Variants in HPSE observed in about 807,000 individuals in gnomAD.
HPSE encodes heparanase.
Under a neutral mutation model 65.1 loss-of-function variants are expected in HPSE, and 48 were observed. The ratio of observed to expected loss-of-function variants is 0.74; its 90% confidence interval spans 0.58 to 0.94. The LOEUF (loss-of-function observed/expected upper bound fraction) is 0.94. HPSE is among the 40% of genes least tolerant of loss of function. The probability of loss-of-function intolerance (pLI) is 0.00; values close to 1 mark genes in which losing one functional copy is unlikely to be tolerated. For synonymous variants in HPSE, 243 were observed against 260.0 expected (o/e 0.93, Z 0.63); for missense variants, 644 against 637.5 (o/e 1.01, Z -0.11).
chr4:83,316,491 T>G (rs1736647320), intron 3 of HPSE, among the ~76,000 whole-genome samples: 1 of 152,182 alleles, frequency 6.6e-6, no homozygotes, highest in African/African-American at 2.4e-5. Flanking sequence ...ATCCTTGGAA[T>G]GAAGATAACC....
chr4:83,314,124 G>A (rs2126190131), intron 3 of HPSE, among the ~76,000 whole-genome samples: 1 of 151,968 alleles, frequency 6.6e-6, no homozygotes, highest in East Asian at 1.9e-4. Context: ...ATGATGGTAA[G>A]CACCTGTAGT....
chr4:83,328,448 A>C (rs547765660), intron 1 of HPSE, among the ~76,000 whole-genome samples: 1 of 152,322 alleles, frequency 6.6e-6, no homozygotes, highest in East Asian at 1.9e-4. Flanking sequence ...ATCCTAACTA[A>C]TAACGTCTGC....
At chr4:83,318,032 ACAT>A (rs929462189) in intron 3 of HPSE, among the ~76,000 whole-genome samples, 3 of 152,222 alleles carry the variant, frequency 2.0e-5, no homozygotes, top group African/African-American at 7.2e-5. Context: ...CTTATGGAAC[ACAT>A]TTTTTTCTGT....
At chr4:83,312,841 C>CAAAAAAAAGAA (rs1736455921) in intron 4 of HPSE, among the ~76,000 whole-genome samples, 1 of 10,982 alleles carries the variant, frequency 9.1e-5, no homozygotes, top group Non-Finnish European at 1.4e-4. Flanking sequence ...ACTAAAAATG[C>CAAAAAAAAGAA]AAAAAAAAAA....
chr4:83,308,390 AG>A lies in HPSE; in HGVS notation c.1091+454del, dbSNP rs1286808881. ...CACTGCCCTCCAGTCTGGGTGACAG[AG>A]GGGAAAAAAAAAGACAGTCTCACTC... On this transcript the variant is annotated intron_variant, in intron 8 of 11. Coordinates refer to ENST00000311412, the MANE Select transcript of HPSE (RefSeq NM_001098540.3). Among the ~76,000 whole-genome samples, 8 of 152,078 alleles carry A rather than the reference AG, an allele frequency of 5.3e-5. No individual in the cohort carries two copies. In the East Asian group the frequency reaches 1.5e-3, roughly 29 times the overall value.
chr4:83,309,583 C>A, intron 6 of HPSE, 88 bp from the exon 7 acceptor site: 2 of 741,796 alleles, frequency 2.7e-6, no homozygotes, highest in Admixed American at 5.2e-5. Context: ...CTCCTTCTTA[C>A]CTCTCCCACT....
At chr4:83,306,002 G>T (rs1158932477) in intron 9 of HPSE, among the ~76,000 whole-genome samples, 1 of 152,114 alleles carries the variant, frequency 6.6e-6, no homozygotes, top group Non-Finnish European at 1.5e-5. Context: ...CCTTTAAAAA[G>T]TTATTCCTAG....
intron 4 of HPSE, 67 bp downstream of exon 4, chr4:83,313,047 A>T: frequency 3.9e-6 from 4 of 1,024,750 alleles, no homozygotes; most frequent in South Asian, 1.7e-5. Flanking sequence ...AAAAAGAAAA[A>T]GAAAAGAAAA....
At chr4:83,312,170 G>A (rs1251746565) in intron 4 of HPSE, among the ~76,000 whole-genome samples, 4 of 152,160 alleles carry the variant, frequency 2.6e-5, no homozygotes, top group African/African-American at 9.7e-5. Flanking sequence ...AAGCATAATA[G>A]GGTTAAGTGA....
intron 9 of HPSE, among the ~76,000 whole-genome samples, chr4:83,303,697 G>A (rs567823556): frequency 6.9e-4 from 105 of 152,270 alleles, no homozygotes; most frequent in African/African-American, 2.4e-3. Flanking sequence ...CCACAGGCAT[G>A]TGCCACCATG....
chr4:83,319,323 A>T (rs765685245), intron 3 of HPSE, 21 bp downstream of exon 3: 3 of 1,612,924 alleles, frequency 1.9e-6, no homozygotes. Flanking sequence ...GAACATCTCT[A>T]GGGTGCCTTT....
intron 8 of HPSE, among the ~76,000 whole-genome samples, chr4:83,307,986 C>T (rs1373664423): frequency 6.6e-6 from 1 of 152,146 alleles, no homozygotes; most frequent in African/African-American, 2.4e-5. Flanking sequence ...GATAGCCCCT[C>T]TGGTGGGACC....
chr4:83,322,742 T>G (rs916835746), intron 1 of HPSE, among the ~76,000 whole-genome samples: 1 of 151,806 alleles, frequency 6.6e-6, no homozygotes, highest in Non-Finnish European at 1.5e-5. Context: ...ACTGATCTTC[T>G]AGGAACCTGA....
intron 8 of HPSE, among the ~76,000 whole-genome samples, chr4:83,308,096 A>ATTT (rs70946997): frequency 1.4e-5 from 2 of 145,112 alleles, no homozygotes; most frequent in African/African-American, 5.1e-5. Flanking sequence ...TCTAACTTGC[A>ATTT]TTTTTTTTTT....
rs542576493 is a variant in HPSE, at chr4:83,294,903, T to C, written c.*441A>G. 6.6e-6 allele frequency: 1 copy of C among 152,280 alleles called. No individual in the cohort carries two copies. Among genetic ancestry groups the C allele is most frequent in the African/African-American group, 2.4e-5 (1 of 41,526 alleles). The allele number at this position is 152,280 out of a possible 1,614,324, so 9.4% of individuals were successfully genotyped here. A position where few individuals can be genotyped will look rare whatever the true frequency, so the allele number is the denominator to read the frequency against. On this transcript the variant is annotated 3_prime_UTR_variant, in exon 12 of 12. Coordinates refer to ENST00000311412, the MANE Select transcript of HPSE (RefSeq NM_001098540.3). ...GGCCAATATGGCGAAACTCCATCTC[T>C]ACAAAAAATATAGAAAGTAGCTGGG...
At chr4:83,321,320 G>C (rs1455759796) in intron 2 of HPSE, among the ~76,000 whole-genome samples, 2 of 152,120 alleles carry the variant, frequency 1.3e-5, no homozygotes, top group African/African-American at 4.8e-5. Flanking sequence ...CCCAATTACT[G>C]ATGAATTGTT....
rs1307508953 is a variant in HPSE at position 83,334,599 on chromosome 4, C to T, written c.184G>A (p.Asp62Asn). 1 of 1,593,580 alleles carries T rather than the reference C, an allele frequency of 6.3e-7. No individual in the cohort carries two copies. Among genetic ancestry groups the T allele is most frequent in the Non-Finnish European group, 8.5e-7 (1 of 1,170,154 alleles). Residue 62 changes from aspartate (D) to asparagine (N), a missense_variant, in exon 1 of 12, where the codon GAC becomes AAC. Physicochemically the swap from Asp to Asn is conservative, Grantham distance 23. Coordinates refer to ENST00000311412, the MANE Select transcript of HPSE (RefSeq NM_001098540.3). ...VSPSFLSVTI[D>N]ANLATDPRFL... ...CGCGGGTCCGTGGCCAGGTTGGCGT[C>T]AATGGTGACGGACAGGAACGAGGGG...
intron 9 of HPSE, among the ~76,000 whole-genome samples, chr4:83,304,514 A>C (rs1736080703): frequency 6.6e-6 from 1 of 151,934 alleles, no homozygotes; most frequent in Non-Finnish European, 1.5e-5. Context: ...AATTTTCTAT[A>C]GTAAAAGTTT....
chr4:83,309,946 G>T, intron 6 of HPSE, 85 bp downstream of exon 6: 1 of 922,194 alleles, frequency 1.1e-6, no homozygotes, highest in Non-Finnish European at 1.7e-6. Context: ...TCAATTGGCA[G>T]TTAAATGAAC....
Sources: gnomAD v4.1 joint callset for allele counts (sites outside exome capture counted in the v4.1 genomes callset) on GRCh38, gnomAD v4.1.1 for gene constraint, MANE v1.5 for transcripts, NCBI Gene and HGNC (gene_info 2026-07-23, HGNC 2026-07-21) for gene names.